Variants in GDE1 observed in about 807,000 individuals in gnomAD.
GDE1 encodes the protein RGS16-interacting membrane protein.
In GDE1, 24 loss-of-function variants were observed where a neutral mutation model predicts 32.2. That is an observed-to-expected ratio of 0.75 (90% confidence interval 0.54 to 1.05). The LOEUF (loss-of-function observed/expected upper bound fraction) is 1.05. GDE1 is among the 50% of genes least tolerant of loss of function. GDE1 has a pLI of 0.00. For missense variants in GDE1, 380 were observed against 415.0 expected (o/e 0.92, Z 0.73); for synonymous variants, 159 against 158.6 (o/e 1.00, Z -0.02).
Position 19,503,489 on chromosome 16 carries a change from T to C in GDE1, c.977A>G (p.Asp326Gly), listed in dbSNP as rs771192978. ...SSYITDSMVE[D>G]CEPHF The stretch of plus-strand genomic sequence containing the variant: ...GAAAGTCTAGAAGTGAGGTTCGCAG[T>C]CTTCTACCATGCTGTCAGTGATATA... The change falls in exon 6 of 6, where the codon GAC becomes GGC. Residue 326 changes from aspartate to glycine, a missense_variant. Physicochemically the swap from Asp to Gly is moderately conservative, Grantham distance 94. Coordinates refer to ENST00000353258, the MANE Select transcript of GDE1 (RefSeq NM_016641.4). The C allele has an allele frequency of 6.2e-7, 1 of 1,613,920 alleles. No homozygotes were observed. The highest frequency in any genetic ancestry group is 1.7e-5 in the Admixed American group (1 of 59,994).
intron 4 of GDE1, among the ~76,000 whole-genome samples, chr16:19,507,080 A>G (rs1969257080): frequency 6.6e-6 from 1 of 152,090 alleles, no homozygotes; most frequent in Non-Finnish European, 1.5e-5. Flanking sequence ...TCAAGAGTGC[A>G]GTGAGCTGTG....
Position 19,521,908 on chromosome 16 carries a change from T to G in GDE1, c.57A>C (p.Leu19=). 3.8e-6 allele frequency: 6 copies of G among 1,595,504 alleles called. No individual in the cohort carries two copies. Among genetic ancestry groups the G allele is most frequent in the East Asian group, 2.3e-5 (1 of 44,162 alleles). Residue 19 remains leucine (L), a synonymous_variant, in exon 1 of 6, where the codon CTA becomes CTC. Transcript: ENST00000353258. ...GLLGPFSFLL[L]VLLLVTRSPV... is the part of the protein sequence containing the mutation. ...GGCTCCGCGTCACCAGCAGCAGCAC[T>G]AGCAGCAGGAAGGAGAAAGGGCCCA... is the stretch of plus-strand genomic sequence containing the variant.
intron 2 of GDE1, among the ~76,000 whole-genome samples, chr16:19,515,575 A>G (rs139458506): frequency 6.6e-6 from 1 of 152,172 alleles, no homozygotes; most frequent in African/African-American, 2.4e-5. Context: ...CAATGTCATT[A>G]TAATATTCAA....
At chr16:19,520,084 T>C (rs1448834865) in intron 1 of GDE1, among the ~76,000 whole-genome samples, 2 of 152,124 alleles carry the variant, frequency 1.3e-5, no homozygotes, top group African/African-American at 4.8e-5. Flanking sequence ...CTGACAGTGC[T>C]AGAATTTCTG....
At chr16:19,514,845 T>A (rs1009455555) in intron 2 of GDE1, among the ~76,000 whole-genome samples, 5 of 152,158 alleles carry the variant, frequency 3.3e-5, no homozygotes, top group Admixed American at 2.0e-4. Context: ...GGCAGGCAGA[T>A]CACCTGAGGT....
At chr16:19,517,215 C>A in intron 1 of GDE1, 26 bp from the exon 2 acceptor site, 1 of 1,581,446 alleles carries the variant, frequency 6.3e-7, no homozygotes, top group Non-Finnish European at 8.7e-7. Flanking sequence ...AAGAATATTA[C>A]TGTCAAATGG....
intron 4 of GDE1, among the ~76,000 whole-genome samples, chr16:19,506,046 C>CA (rs1303569516): frequency 6.6e-6 from 1 of 152,070 alleles, no homozygotes; most frequent in African/African-American, 2.4e-5. Flanking sequence ...CAATAGCAGC[C>CA]AAAAACAACA....
intron 2 of GDE1, among the ~76,000 whole-genome samples, chr16:19,513,444 T>C (rs8053672): frequency 0.36 from 55,301 of 152,038 alleles, 11,614 homozygotes; most frequent in East Asian, 0.56. Context: ...CTACTGATTT[T>C]TGTACGTTGA....
In GDE1 at chr16:19,503,202, G is replaced by A. The variant is rs1435617049; in HGVS notation, c.*268C>T. 1 of 457,274 alleles carries A rather than the reference G, an allele frequency of 2.2e-6. No individual in the cohort carries two copies. The highest frequency in any genetic ancestry group is 4.0e-6 in the Non-Finnish European group (1 of 252,062). 28.3% of individuals were successfully genotyped at this position (457,274 alleles called of 1,614,324 possible). On this transcript the variant is annotated 3_prime_UTR_variant, in exon 6 of 6. Transcript: ENST00000353258. ...GTGCTTATCCTCACTGGGTCTCCCT[G>A]TGTGCCTCAGCTAGGGCAGGGCAGG...
At chr16:19,520,828 G>A (rs1194128307) in intron 1 of GDE1, among the ~76,000 whole-genome samples, 1 of 152,102 alleles carries the variant, frequency 6.6e-6, no homozygotes, top group Non-Finnish European at 1.5e-5. Flanking sequence ...CTAATCCACT[G>A]AAAAGCCCTC....
chr16:19,521,805 T>C lies in GDE1; in HGVS notation c.160A>G (p.Arg54Gly). 6.2e-7 allele frequency: 1 copy of C among 1,611,482 alleles called. No homozygotes were observed. The highest frequency in any genetic ancestry group is 1.1e-5 in the South Asian group (1 of 90,622). ...CGGGGCTTGAGCACCTGCAGGGCCC[T>C]GCAAGAGGGCACCGGCTCAAAGCTG... is the stretch of plus-strand genomic sequence containing the variant. Reference protein sequence around the residue: ...VFSFEPVPSCRALQVLKPRDR... With the variant: ...VFSFEPVPSCGALQVLKPRDR... The change falls in exon 1 of 6, where the codon AGG becomes GGG. Residue 54 changes from arginine (R) to glycine (G), a missense_variant. Coordinates refer to ENST00000353258, the MANE Select transcript of GDE1 (RefSeq NM_016641.4).
intron 3 of GDE1, among the ~76,000 whole-genome samples, chr16:19,509,779 G>A (rs1969293853): frequency 6.6e-6 from 1 of 151,448 alleles, no homozygotes; most frequent in African/African-American, 2.4e-5. Context: ...TCCTGCCTCA[G>A]CCTCCCGAGT....
chr16:19,519,482 A>G (rs1969422913), intron 1 of GDE1, among the ~76,000 whole-genome samples: 1 of 151,432 alleles, frequency 6.6e-6, no homozygotes, highest in East Asian at 1.9e-4. Context: ...ATACATACAC[A>G]ATACTTAATA....
chr16:19,511,047 T>C (rs1048594420), intron 2 of GDE1, 103 bp from the exon 3 acceptor site: 10 of 575,902 alleles, frequency 1.7e-5, no homozygotes, highest in Non-Finnish European at 3.1e-5. Flanking sequence ...GAAAGAGTGT[T>C]TTCTCCAACT....
Position 19,521,797 on chromosome 16 carries a change from C to A in GDE1, c.168G>T (p.Leu56=). The change falls in exon 1 of 6, where the codon CTG becomes CTT. Residue 56 remains leucine, a synonymous_variant. Transcript: ENST00000353258. ...TGCGGTCCCGGGGCTTGAGCACCTG[C>A]AGGGCCCTGCAAGAGGGCACCGGCT... ...SFEPVPSCRA[L]QVLKPRDRIS... is the part of the protein sequence containing the mutation. The A allele has an allele frequency of 1.9e-6, 3 of 1,611,688 alleles. No homozygotes were observed. The highest frequency in any genetic ancestry group is 2.5e-6 in the Non-Finnish European group (3 of 1,179,458).
chr16:19,505,510 T>C (rs905041484), intron 4 of GDE1, among the ~76,000 whole-genome samples: 9 of 151,676 alleles, frequency 5.9e-5, no homozygotes, highest in African/African-American at 1.5e-4. Context: ...CCAGAGCAAA[T>C]GGCTGAAGAG....
In GDE1 at chr16:19,503,459, AC is replaced by A. The variant is rs1325676021; in HGVS notation, c.*10del. 6.2e-6 allele frequency: 10 copies of A among 1,612,734 alleles called. No homozygotes were observed. The highest frequency in any genetic ancestry group is 8.5e-6 in the Non-Finnish European group (10 of 1,179,248). ...GCAGTTTCTGAACCCGTTTCGTCCC[AC>A]CGTGAAAGTCTAGAAGTGAGGTTCG... On this transcript the variant is annotated 3_prime_UTR_variant, in exon 6 of 6. Coordinates refer to ENST00000353258, the MANE Select transcript of GDE1 (RefSeq NM_016641.4).
At chr16:19,520,494 C>T (rs1244684957) in intron 1 of GDE1, among the ~76,000 whole-genome samples, 2 of 151,422 alleles carry the variant, frequency 1.3e-5, no homozygotes, top group Admixed American at 6.6e-5. Context: ...GAGGCCGAGG[C>T]GGGTGGATCA....
At chr16:19,518,301 C>A (rs375562636) in intron 1 of GDE1, among the ~76,000 whole-genome samples, 1 of 152,176 alleles carries the variant, frequency 6.6e-6, no homozygotes, top group East Asian at 1.9e-4. Flanking sequence ...TCCTCAGTCT[C>A]TTTCTGTACT....
Sources: allele counts gnomAD v4.1 joint callset (sites outside exome capture counted in the v4.1 genomes callset), GRCh38; gene constraint gnomAD v4.1.1; transcripts MANE v1.5; gene names NCBI Gene and HGNC (gene_info 2026-07-23, HGNC 2026-07-21).